MED13L: variants seen among roughly 807,000 people sequenced by gnomAD.
MED13L encodes mediator complex subunit 13L, also known as mediator of RNA polymerase II transcription subunit 13-like.
Under a neutral mutation model 220.9 loss-of-function variants are expected in MED13L, and 7 were observed. The ratio of observed to expected loss-of-function variants is 0.03; its 90% confidence interval spans 0.02 to 0.06. MED13L has a LOEUF of 0.06. Among genes scored for constraint, MED13L ranks in the 10% least tolerant of loss-of-function variants. The pLI is 1.00. For missense variants in MED13L, 1,965 were observed against 2,760.5 expected (o/e 0.71, Z 6.46); for synonymous variants, 1,011 against 1,015.2 (o/e 1.00, Z 0.08).
At chr12:116,230,438 A>G in intron 2 of MED13L, 7 of 966,298 alleles carry the variant, frequency 7.2e-6, no homozygotes, top group Non-Finnish European at 6.2e-6. Flanking sequence ...CTTACTTTTC[A>G]GGTGCACTGT....
chr12:116,105,132 T>C (rs911152775), intron 3 of MED13L, among the ~76,000 whole-genome samples: 1 of 152,226 alleles, frequency 6.6e-6, no homozygotes, highest in Non-Finnish European at 1.5e-5. Flanking sequence ...TGAAAAATGA[T>C]TGCAGATTTT....
chr12:116,004,123 T>TG (rs1164185563), intron 13 of MED13L, among the ~76,000 whole-genome samples: 1 of 152,170 alleles, frequency 6.6e-6, no homozygotes, highest in Non-Finnish European at 1.5e-5. Context: ...ACCAGGATGG[T>TG]GGTCATGAAC....
chr12:116,119,838 A>AAAAAAAAAAAT (rs1555213242), intron 2 of MED13L, among the ~76,000 whole-genome samples: 1 of 31,592 alleles, frequency 3.2e-5, no homozygotes, highest in Non-Finnish European at 5.5e-5. Flanking sequence ...AAAAAAAAAA[A>AAAAAAAAAAAT]ATATATATAT....
chr12:116,152,059 G>C (rs1878078704), intron 2 of MED13L, among the ~76,000 whole-genome samples: 1 of 151,966 alleles, frequency 6.6e-6, no homozygotes, highest in African/African-American at 2.4e-5. Context: ...CACTGATCCT[G>C]TCTTTTAGTA....
intron 2 of MED13L, among the ~76,000 whole-genome samples, chr12:116,206,533 A>G (rs1015127889): frequency 1.3e-5 from 2 of 152,230 alleles, no homozygotes; most frequent in African/African-American, 2.4e-5. Context: ...GTGAAGAAGG[A>G]TAAAGAAAAG....
chr12:116,063,728 C>A (rs982654882), intron 4 of MED13L, among the ~76,000 whole-genome samples: 2 of 152,142 alleles, frequency 1.3e-5, no homozygotes, highest in African/African-American at 2.4e-5. Context: ...AAAATACACA[C>A]CTTTAAAATT....
At chr12:116,019,478 T>C (rs1004590167) in intron 6 of MED13L, 66 bp from the exon 7 acceptor site, 8 of 1,554,594 alleles carry the variant, frequency 5.1e-6, no homozygotes, top group Non-Finnish European at 7.1e-6. Context: ...CTTCCAATTT[T>C]ATGATTCCAA....
intron 4 of MED13L, among the ~76,000 whole-genome samples, chr12:116,073,731 T>A (rs1486579303): frequency 6.6e-6 from 1 of 152,204 alleles, no homozygotes; most frequent in African/African-American, 2.4e-5. Flanking sequence ...CAAACATATG[T>A]CAGTAACTAA....
intron 7 of MED13L, among the ~76,000 whole-genome samples, chr12:116,016,163 A>C (rs1188599805): frequency 6.6e-6 from 1 of 152,098 alleles, no homozygotes; most frequent in African/African-American, 2.4e-5. Flanking sequence ...TTTTCTTCTC[A>C]ATAGAACTAT....
intron 1 of MED13L, among the ~76,000 whole-genome samples, chr12:116,240,703 A>AT (rs1870549269): frequency 6.7e-6 from 1 of 149,808 alleles, no homozygotes; most frequent in South Asian, 2.1e-4. Flanking sequence ...CGCCCGGCTA[A>AT]TTTTTTGTAT....
At position 116,031,710 on chromosome 12, in the gene MED13L, GAAAAGAAAA is replaced by G. The variant is rs1262135497; in HGVS notation, c.480-9118_480-9110del. Among the ~76,000 whole-genome samples the G allele has an allele frequency of 1.8e-3, 67 of 36,798 alleles. 2 individuals carry two copies. The highest frequency in any genetic ancestry group is 1.9e-3 in the Non-Finnish European group (34 of 17,924). 24.1% of individuals were successfully genotyped at this position (36,798 alleles called of 152,430 possible). A position where few individuals can be genotyped will look rare whatever the true frequency, so the allele number is the denominator to read the frequency against. ...GAAAAGAAAAGAAAAGAAAAGAAAAGAAAAGAAAAGAAAAGAAAAGAAAAGAAAAGAAAA... is the reference window on the plus strand; with the variant it reads ...GAAAAGAAAAGAAAAGAAAAGAAAAGGAAAAGAAAAGAAAAGAAAAGAAAA... On this transcript the variant is annotated intron_variant, in intron 4 of 30. Transcript: ENST00000281928.
chr12:116,069,716 C>G (rs898986267), intron 4 of MED13L, among the ~76,000 whole-genome samples: 3 of 152,216 alleles, frequency 2.0e-5, no homozygotes, highest in Non-Finnish European at 4.4e-5. Flanking sequence ...TGAGCACCAA[C>G]ATGACACCAC....
At chr12:116,149,958 C>T (rs1437704882) in intron 2 of MED13L, among the ~76,000 whole-genome samples, 6 of 152,106 alleles carry the variant, frequency 3.9e-5, no homozygotes, top group African/African-American at 1.4e-4. Context: ...TCACTTTGCC[C>T]TCTGATAGTT....
At chr12:116,131,406 A>G (rs1852784548) in intron 2 of MED13L, among the ~76,000 whole-genome samples, 1 of 152,214 alleles carries the variant, frequency 6.6e-6, no homozygotes, top group Non-Finnish European at 1.5e-5. Context: ...AACCTCCATT[A>G]ACCAGCATAA....
intron 2 of MED13L, among the ~76,000 whole-genome samples, chr12:116,141,727 C>G (rs1877092720): frequency 1.3e-5 from 2 of 152,112 alleles, no homozygotes; most frequent in Non-Finnish European, 2.9e-5. Context: ...ACCTCTGCTT[C>G]TGTGCTGGCT....
chr12:116,042,400 C>T (rs1158921583), intron 4 of MED13L, among the ~76,000 whole-genome samples: 2 of 152,190 alleles, frequency 1.3e-5, no homozygotes, highest in African/African-American at 4.8e-5. Flanking sequence ...TATCTTGATT[C>T]TCAGATAAGC....
At chr12:116,233,063 G>T (rs1429810639) in intron 2 of MED13L, among the ~76,000 whole-genome samples, 1 of 149,790 alleles carries the variant, frequency 6.7e-6, no homozygotes, top group Non-Finnish European at 1.5e-5. Context: ...CTCCAGCCTG[G>T]GCAACAGAGC....
intron 12 of MED13L, 111 bp from the exon 13 acceptor site, chr12:116,006,104 T>C (rs540309370): frequency 1.0e-5 from 15 of 1,479,500 alleles, no homozygotes; most frequent in Admixed American, 1.8e-5. Context: ...TTTTTCCCTA[T>C]GGTTTTAGTT....
At chr12:116,051,346 AT>A (rs1868494722) in intron 4 of MED13L, among the ~76,000 whole-genome samples, 1 of 152,178 alleles carries the variant, frequency 6.6e-6, no homozygotes, top group Non-Finnish European at 1.5e-5. Flanking sequence ...TTTAACTTCA[AT>A]AATTTTTAAA....
Sources: gnomAD v4.1 joint callset for allele counts (sites outside exome capture counted in the v4.1 genomes callset) on GRCh38, gnomAD v4.1.1 for gene constraint, MANE v1.5 for transcripts, NCBI Gene and HGNC (gene_info 2026-07-23, HGNC 2026-07-21) for gene names.